Variants in CPEB1 observed in about 807,000 individuals in gnomAD.
CPEB1 encodes the protein cytoplasmic polyadenylation element binding protein 1, also known as cytoplasmic polyadenylation element-binding protein 1.
CPEB1 carries 7 observed loss-of-function variants against 65.8 expected under a neutral mutation model. That is an observed-to-expected ratio of 0.11 (90% confidence interval 0.06 to 0.20). CPEB1 has a LOEUF of 0.20. Ranked by LOEUF, CPEB1 falls within the 10% of genes least tolerant of loss-of-function variation. The probability of loss-of-function intolerance (pLI) is 1.00; values close to 1 mark genes in which losing one functional copy is unlikely to be tolerated. For missense variants in CPEB1, 551 were observed against 712.2 expected (o/e 0.77, Z 2.58); for synonymous variants, 262 against 260.0 (o/e 1.01, Z -0.08).
At chr15:82,608,696 G>C (rs1031356390) in intron 3 of CPEB1, among the ~76,000 whole-genome samples, 1 of 152,010 alleles carries the variant, frequency 6.6e-6, no homozygotes, top group Non-Finnish European at 1.5e-5. Context: ...TGTTCTCATT[G>C]GTTTTTATGT....
At chr15:82,567,622 T>A (rs917791061) in intron 4 of CPEB1, among the ~76,000 whole-genome samples, 1 of 149,706 alleles carries the variant, frequency 6.7e-6, no homozygotes, top group Admixed American at 6.7e-5. Flanking sequence ...GTCGACAGAG[T>A]GAGACTCCAT....
At chr15:82,585,671 A>T (rs549599666) in intron 3 of CPEB1, among the ~76,000 whole-genome samples, 38 of 152,294 alleles carry the variant, frequency 2.5e-4, no homozygotes, top group African/African-American at 9.1e-4. Context: ...TGCCCTTTAT[A>T]CAATTATATT....
At chr15:82,604,651 T>A (rs2043404144) in intron 3 of CPEB1, among the ~76,000 whole-genome samples, 1 of 151,310 alleles carries the variant, frequency 6.6e-6, no homozygotes, top group Admixed American at 6.6e-5. Flanking sequence ...CAATGAAAAA[T>A]TCACTACAGG....
At position 82,571,385 on chromosome 15, in the gene CPEB1, G is replaced by A. The variant is rs773540758; in HGVS notation, c.419C>T (p.Thr140Ile). 8 of 1,614,018 alleles carry A rather than the reference G, an allele frequency of 5.0e-6. No individual in the cohort carries two copies. The highest frequency in any genetic ancestry group is 6.8e-6 in the Non-Finnish European group (8 of 1,180,024). The part of the protein sequence containing the change: ...SLTGWDRPWS[T>I]QDSDSSAQSS... ...CTGGGCTGAGGAATCTGAGTCCTGG[G>A]TGCTCCAGGGTCGGTCCCAGCCTGT... Residue 140 changes from threonine (T) to isoleucine (I), a missense_variant, in exon 4 of 13, where the codon ACC becomes ATC. Transcript: ENST00000684509.
At chr15:82,553,820 C>A (rs534761941) in intron 7 of CPEB1, 58 bp downstream of exon 7, 4 of 1,235,884 alleles carry the variant, frequency 3.2e-6, no homozygotes, top group Non-Finnish European at 4.7e-6. Context: ...AAGTTTCATG[C>A]TCCTGAAAGA....
At chr15:82,644,709 G>A (rs2047362025) in intron 1 of CPEB1, among the ~76,000 whole-genome samples, 1 of 152,208 alleles carries the variant, frequency 6.6e-6, no homozygotes, top group African/African-American at 2.4e-5. Context: ...TAGTTCAGAA[G>A]CCATTACCTT....
Position 82,547,242 on chromosome 15 carries a change from G to C in CPEB1, c.1481-5C>G. On this transcript the variant is annotated splice_region_variant and splice_polypyrimidine_tract_variant and intron_variant, in intron 10 of 12. Coordinates refer to ENST00000684509, the MANE Select transcript of CPEB1 (RefSeq NM_001365242.1). ...TGAAAGTCACACGACCAGAACCTAG[G>C]ACAACAGACACAAGCTTCCCTTCTA... 1 of 1,563,210 alleles carries C rather than the reference G, an allele frequency of 6.4e-7. No homozygotes were observed. Among genetic ancestry groups the C allele is most frequent in the Admixed American group, 1.7e-5 (1 of 59,180 alleles).
chr15:82,571,281 A>G, intron 4 of CPEB1, 63 bp downstream of exon 4: 2 of 1,555,882 alleles, frequency 1.3e-6, no homozygotes, highest in Non-Finnish European at 1.7e-6. Context: ...GTTGCTGTGG[A>G]TATCTTCGTT....
At chr15:82,596,100 A>G (rs535892369) in intron 3 of CPEB1, among the ~76,000 whole-genome samples, 94 of 152,330 alleles carry the variant, frequency 6.2e-4, no homozygotes, top group African/African-American at 2.2e-3. Flanking sequence ...AAGCAATCCT[A>G]GCCTAAAAGC....
intron 12 of CPEB1, among the ~76,000 whole-genome samples, chr15:82,545,086 A>G (rs2034927081): frequency 6.6e-6 from 1 of 152,176 alleles, no homozygotes; most frequent in South Asian, 2.1e-4. Flanking sequence ...TAAAAATTCT[A>G]ATGCTAGGCA....
rs1484058990 is a variant in CPEB1, at chr15:82,544,006, A to G, written c.*586T>C. On this transcript the variant is annotated 3_prime_UTR_variant, in exon 13 of 13. Coordinates refer to ENST00000684509, the MANE Select transcript of CPEB1 (RefSeq NM_001365242.1). Reference sequence around the variant, plus strand: ...GGAACCGGTAAAAACCCTCGAGCGTAAAATATGAAATATGATTTTGGTTTA... The same window carrying G: ...GGAACCGGTAAAAACCCTCGAGCGTGAAATATGAAATATGATTTTGGTTTA... The G allele has an allele frequency of 6.6e-6, 1 of 152,334 alleles. No homozygotes were observed. Among genetic ancestry groups the G allele is most frequent in the Non-Finnish European group, 1.5e-5 (1 of 68,048 alleles). 9.4% of individuals were successfully genotyped at this position (152,334 alleles called of 1,614,324 possible). A position where few individuals can be genotyped will look rare whatever the true frequency, so the allele number is the denominator to read the frequency against.
At chr15:82,589,263 T>C (rs934552203) in intron 3 of CPEB1, among the ~76,000 whole-genome samples, 2 of 152,258 alleles carry the variant, frequency 1.3e-5, no homozygotes, top group Non-Finnish European at 2.9e-5. Flanking sequence ...TTAATACTCC[T>C]GCTCTGGCCT....
chr15:82,550,341 A>C (rs2036025440), intron 9 of CPEB1, among the ~76,000 whole-genome samples: 1 of 152,342 alleles, frequency 6.6e-6, no homozygotes, highest in South Asian at 2.1e-4. Flanking sequence ...GTCTTGAAGC[A>C]GGAAGAGATC....
intron 3 of CPEB1, among the ~76,000 whole-genome samples, chr15:82,594,734 T>G (rs143098008): frequency 6.6e-6 from 1 of 152,194 alleles, no homozygotes. Flanking sequence ...GCTTCATCAT[T>G]TCTAGTTTTT....
chr15:82,605,760 C>T (rs866960529), intron 3 of CPEB1, among the ~76,000 whole-genome samples: 16 of 152,222 alleles, frequency 1.1e-4, no homozygotes, highest in Admixed American at 7.2e-4. Flanking sequence ...TATTTGTGGC[C>T]GGGCACAGTG....
chr15:82,579,290 G>A (rs751757888), intron 3 of CPEB1, among the ~76,000 whole-genome samples: 6 of 152,072 alleles, frequency 3.9e-5, no homozygotes, highest in African/African-American at 7.2e-5. Context: ...GGGAGACCCC[G>A]TTTCTACAAA....
intron 3 of CPEB1, among the ~76,000 whole-genome samples, chr15:82,606,989 T>C (rs2151221025): frequency 6.6e-6 from 1 of 150,804 alleles, no homozygotes; most frequent in African/African-American, 2.4e-5. Flanking sequence ...AAGAAACATA[T>C]ATATAAGAAT....
At chr15:82,550,957 G>A (rs1244963636) in intron 9 of CPEB1, among the ~76,000 whole-genome samples, 1 of 152,138 alleles carries the variant, frequency 6.6e-6, no homozygotes, top group Non-Finnish European at 1.5e-5. Flanking sequence ...GTGTCTACAG[G>A]GGCACTGAGG....
chr15:82,558,009 C>G (rs769920632), intron 4 of CPEB1, 23 bp from the exon 5 acceptor site: 1 of 1,493,814 alleles, frequency 6.7e-7, no homozygotes, highest in East Asian at 2.3e-5. Context: ...AAAAGGAAAC[C>G]TCATGACCTC....
Sources: allele counts gnomAD v4.1 joint callset (sites outside exome capture counted in the v4.1 genomes callset), GRCh38; gene constraint gnomAD v4.1.1; transcripts MANE v1.5; gene names NCBI Gene and HGNC (gene_info 2026-07-23, HGNC 2026-07-21).